SIPA1L2: variants seen among roughly 807,000 people sequenced by gnomAD.
SIPA1L2 encodes signal-induced proliferation-associated 1-like protein 2.
SIPA1L2 carries 56 observed loss-of-function variants against 163.9 expected under a neutral mutation model. The ratio of observed to expected loss-of-function variants is 0.34; its 90% CI spans 0.28 to 0.43. The LOEUF is 0.43. Among genes scored for constraint, SIPA1L2 ranks in the 20% least tolerant of loss-of-function variants. The pLI, the probability that SIPA1L2 is intolerant of heterozygous loss-of-function variation, is 1.00. For synonymous variants in SIPA1L2, 877 were observed against 865.7 expected (o/e 1.01, Z -0.23); for missense variants, 1,974 against 2,193.5 (o/e 0.90, Z 2.00).
intron 3 of SIPA1L2, among the ~76,000 whole-genome samples, chr1:232,495,390 C>T (rs548505634): frequency 1.1e-4 from 17 of 151,974 alleles, no homozygotes; most frequent in Non-Finnish European, 1.6e-4. Context: ...GGTGAAATCC[C>T]GGCTCTACTA....
intron 1 of SIPA1L2, among the ~76,000 whole-genome samples, chr1:232,627,305 C>T (rs1041864469): frequency 6.6e-6 from 1 of 152,184 alleles, no homozygotes; most frequent in South Asian, 2.1e-4. Context: ...AAACTAGTTT[C>T]GATGCCCAAA....
rs1477074038 is a variant in SIPA1L2, at chr1:232,540,164, C to T, written c.-269-24556G>A. On this transcript the variant is annotated intron_variant, in intron 2 of 22. Transcript: ENST00000674635. ...ACTTAAAATACAAAATTTAGCCGGG[C>T]GTGGTGGTGGGCACCTGTAATCCCA... Among the ~76,000 whole-genome samples, 4 of 152,104 alleles carry T rather than the reference C, an allele frequency of 2.6e-5. 1 individual carries two copies. The East Asian group carries it at 5.8e-4, about 22-fold the overall frequency.
intron 17 of SIPA1L2, among the ~76,000 whole-genome samples, chr1:232,426,570 G>C (rs1275179700): frequency 1.3e-5 from 2 of 152,200 alleles, no homozygotes; most frequent in Non-Finnish European, 2.9e-5. Flanking sequence ...TGAGGCAGGA[G>C]AATGGCATGA....
chr1:232,464,649 C>T (rs1240635851), intron 9 of SIPA1L2, among the ~76,000 whole-genome samples, 191 bp downstream of exon 9: 1 of 152,180 alleles, frequency 6.6e-6, no homozygotes, highest in Non-Finnish European at 1.5e-5. Flanking sequence ...ATGATGGTTG[C>T]TTCTCCACCA....
At chr1:232,471,857 G>A (rs1301437750) in intron 7 of SIPA1L2, among the ~76,000 whole-genome samples, 2 of 152,188 alleles carry the variant, frequency 1.3e-5, no homozygotes, top group African/African-American at 2.4e-5. Flanking sequence ...AAATGTTGTA[G>A]TTTAAGCTCT....
rs115037589 is a variant in SIPA1L2 at position 232,469,118 on chromosome 1, C to T, written c.2243+2253G>A. 7.2e-3 allele frequency among the ~76,000 whole-genome samples: 1,096 copies of T among 152,288 alleles called. 15 individuals are homozygous for T. The highest frequency in any genetic ancestry group is 0.025 in the African/African-American group (1,031 of 41,558). On this transcript the variant is annotated intron_variant, in intron 8 of 22. Coordinates refer to ENST00000674635, the MANE Select transcript of SIPA1L2 (RefSeq NM_020808.5). ...TTTCATTAGAGAAGGTGATCTCAAC[C>T]GCACAGCCCCTTCTGACAGCTGTAA...
At chr1:232,547,573 G>A (rs1308159743) in intron 2 of SIPA1L2, among the ~76,000 whole-genome samples, 1 of 149,092 alleles carries the variant, frequency 6.7e-6, no homozygotes, top group African/African-American at 2.5e-5. Context: ...CCCGGGGTGG[G>A]GGCTGGGTGG....
At chr1:232,505,486 G>A (rs559960703) in intron 3 of SIPA1L2, among the ~76,000 whole-genome samples, 1 of 152,236 alleles carries the variant, frequency 6.6e-6, no homozygotes, top group East Asian at 1.9e-4. Context: ...TAGGGCATTC[G>A]TTCTTCTTCC....
chr1:232,615,274 T>C (rs186531536), intron 1 of SIPA1L2, among the ~76,000 whole-genome samples: 100 of 152,302 alleles, frequency 6.6e-4, no homozygotes, highest in African/African-American at 2.3e-3. Flanking sequence ...GTCTCCAAAG[T>C]GGCCACTAAA....
intron 2 of SIPA1L2, among the ~76,000 whole-genome samples, chr1:232,517,896 A>C (rs1667283560): frequency 6.6e-6 from 1 of 151,734 alleles, no homozygotes; most frequent in South Asian, 2.1e-4. Flanking sequence ...GTTTTTTTTT[A>C]ATTAGCCCGG....
At chr1:232,410,901 G>A (rs1414870711) in intron 19 of SIPA1L2, among the ~76,000 whole-genome samples, 1 of 152,176 alleles carries the variant, frequency 6.6e-6, no homozygotes, top group Non-Finnish European at 1.5e-5. Flanking sequence ...AGGGGTTAGG[G>A]TGGTATACCA....
At chr1:232,462,621 A>C (rs1215475444) in intron 9 of SIPA1L2, among the ~76,000 whole-genome samples, 1 of 152,252 alleles carries the variant, frequency 6.6e-6, no homozygotes, top group Non-Finnish European at 1.5e-5. Context: ...GAACTGAAGT[A>C]ACTAAAACTT....
intron 4 of SIPA1L2, among the ~76,000 whole-genome samples, chr1:232,492,644 C>A (rs949436631): frequency 5.9e-5 from 9 of 152,186 alleles, no homozygotes; most frequent in African/African-American, 2.2e-4. Context: ...TGTAACAAAG[C>A]GTGGGTAGTA....
At chr1:232,485,915 C>A (rs1665624083) in intron 5 of SIPA1L2, among the ~76,000 whole-genome samples, 1 of 152,118 alleles carries the variant, frequency 6.6e-6, no homozygotes. Context: ...AGAATTGCTG[C>A]ACCATCATCC....
chr1:232,585,739 G>A (rs1660622418), intron 1 of SIPA1L2, among the ~76,000 whole-genome samples: 1 of 152,114 alleles, frequency 6.6e-6, no homozygotes, highest in South Asian at 2.1e-4. Context: ...ACCAAGGGAG[G>A]CAAACACAGA....
chr1:232,579,049 C>T (rs1380018687), intron 1 of SIPA1L2, among the ~76,000 whole-genome samples: 6 of 152,148 alleles, frequency 3.9e-5, no homozygotes, highest in Admixed American at 6.5e-5. Flanking sequence ...TCTATCACTG[C>T]GAGGAGGCTC....
intron 2 of SIPA1L2, among the ~76,000 whole-genome samples, chr1:232,557,975 T>C (rs1383234522): frequency 1.3e-5 from 2 of 152,186 alleles, no homozygotes; most frequent in African/African-American, 4.8e-5. Context: ...TTATTCCACA[T>C]CACCAAAGCA....
At chr1:232,404,083 T>C in intron 20 of SIPA1L2, 42 bp downstream of exon 20, 1 of 1,609,980 alleles carries the variant, frequency 6.2e-7, no homozygotes. Flanking sequence ...ACAGAAAAGG[T>C]TACAGGATAT....
At position 232,443,643 on chromosome 1, in the gene SIPA1L2, G is replaced by A. The variant is rs1023173887; in HGVS notation, c.3396C>T (p.Pro1132=). 1.6e-5 allele frequency: 25 copies of A among 1,609,152 alleles called. No individual in the cohort carries two copies. Among genetic ancestry groups the A allele is most frequent in the Admixed American group, 5.1e-5 (3 of 59,222 alleles). The change falls in exon 12 of 23, where the codon CCC becomes CCT. Residue 1132 remains proline (P), a synonymous_variant. Coordinates refer to ENST00000674635, the MANE Select transcript of SIPA1L2 (RefSeq NM_020808.5). ...GTGGTCTCCAGGGTCCGCTCCCGCC[G>A]GGTCCAGGGTCGCTGGAGGATGACT... ...SNQSSSSDPG[P]GGSGPWRPQV...
Sources: gnomAD v4.1 joint callset for allele counts (sites outside exome capture counted in the v4.1 genomes callset) on GRCh38, gnomAD v4.1.1 for gene constraint, MANE v1.5 for transcripts, NCBI Gene and HGNC (gene_info 2026-07-23, HGNC 2026-07-21) for gene names.